The following KLHL30 variants were observed in gnomAD, a reference collection of about 807,000 sequenced individuals.
KLHL30 encodes the protein kelch-like protein 30.
In KLHL30, 55 loss-of-function variants were observed where a neutral mutation model predicts 55.0. That is an observed-to-expected ratio of 1.00 (90% CI 0.80 to 1.25). The LOEUF is 1.25. KLHL30 is among the 50% of genes most tolerant of loss of function. The probability of loss-of-function intolerance (pLI) is 0.00; values close to 1 mark genes in which losing one functional copy is unlikely to be tolerated. For missense variants in KLHL30, 786 were observed against 811.6 expected (o/e 0.97, Z 0.38); for synonymous variants, 356 against 372.6 (o/e 0.96, Z 0.51).
In KLHL30 at chr2:238,145,736, CT is replaced by C. The variant is rs745551584; in HGVS notation, c.1055del (p.Leu352ArgfsTer13). 4 of 1,597,352 alleles carry C rather than the reference CT, an allele frequency of 2.5e-6. No individual in the cohort carries two copies. The highest frequency in any genetic ancestry group is 1.7e-5 in the Admixed American group (1 of 57,854). The part of the protein sequence containing the change: ...WSTTQAWCFP[L>X]KEASWKPVAP... The stretch of plus-strand genomic sequence containing the variant: ...AACCACCCAGGCCTGGTGCTTCCCC[CT>C]GAAGGAGGCCTCCTGGAAGCCCGTG... On this transcript the variant is annotated frameshift_variant, in exon 5 of 8. Coordinates refer to ENST00000409223, the MANE Select transcript of KLHL30 (RefSeq NM_198582.4). LOFTEE classifies it high-confidence loss of function.
Position 238,147,929 on chromosome 2 carries a change from T to TCGGCTGC in KLHL30, c.1257_1263dup (p.Gly422LeufsTer85), listed in dbSNP as rs753583836. 13 of 1,599,964 alleles carry TCGGCTGC rather than the reference T, an allele frequency of 8.1e-6. No individual in the cohort carries two copies. Among genetic ancestry groups the TCGGCTGC allele is most frequent in the African/African-American group, 6.7e-5 (5 of 74,482 alleles). On this transcript the variant is annotated frameshift_variant, in exon 6 of 8. Transcript: ENST00000409223. LOFTEE classifies it high-confidence loss of function. The surrounding 1 kb of genome is among the most constrained non-coding windows in gnomAD (Gnocchi z 5.8). ...GGCCCTCAAATACGTCAGCAACTTC[T>TCGGCTGC]CGGCTGCCGGCTGCCGGGGCCGGCT... is the stretch of plus-strand genomic sequence containing the variant.
chr2:238,146,483 T>G (rs1001394677), intron 5 of KLHL30, among the ~76,000 whole-genome samples: 1 of 151,474 alleles, frequency 6.6e-6, no homozygotes, highest in African/African-American at 2.4e-5. Context: ...CTCAGCTCTC[T>G]GCAACCTCCA....
chr2:238,139,874 A>C (rs982840241), intron 1 of KLHL30, among the ~76,000 whole-genome samples: 7 of 152,230 alleles, frequency 4.6e-5, no homozygotes, highest in Non-Finnish European at 2.9e-5. Context: ...CGATACCAGA[A>C]GGACATAAAC....
rs1692534782 is a variant in KLHL30, at chr2:238,141,292, G to A, written c.538G>A (p.Val180Ile). Reference sequence around the variant, plus strand: ...CCTGCAGCTTCCCCGAGAGCGGCTGGTCACTTGTCTGGCCGGCGACCTGCT... The same window carrying A: ...CCTGCAGCTTCCCCGAGAGCGGCTGATCACTTGTCTGGCCGGCGACCTGCT... ...EFLQLPRERL[V>I]TCLAGDLLQV... Residue 180 changes from valine (V) to isoleucine (I), a missense_variant, in exon 2 of 8, where the codon GTC becomes ATC. Physicochemically the swap from Val to Ile is conservative, Grantham distance 29 (BLOSUM62 3). Transcript: ENST00000409223. 1 of 1,600,212 alleles carries A rather than the reference G, an allele frequency of 6.2e-7. No individual in the cohort carries two copies. Among genetic ancestry groups the A allele is most frequent in the Non-Finnish European group, 8.5e-7 (1 of 1,176,752 alleles).
At chr2:238,139,406 T>C (rs1310729654) in intron 1 of KLHL30, among the ~76,000 whole-genome samples, 2 of 152,170 alleles carry the variant, frequency 1.3e-5, no homozygotes, top group Non-Finnish European at 2.9e-5. Flanking sequence ...AGGAACCCCA[T>C]GCATGCAGTG....
chr2:238,145,714 C>T lies in KLHL30; in HGVS notation c.1032C>T (p.Thr344=). The change falls in exon 5 of 8, where the codon ACC becomes ACT. Residue 344 remains threonine (T), a synonymous_variant. Coordinates refer to ENST00000409223, the MANE Select transcript of KLHL30 (RefSeq NM_198582.4). The part of the protein sequence containing the change: ...SRGTKTDTWS[T]TQAWCFPLKE... The stretch of plus-strand genomic sequence containing the variant: ...GCACAAAGACAGACACCTGGTCAAC[C>T]ACCCAGGCCTGGTGCTTCCCCCTGA... 1 of 1,588,422 alleles carries T rather than the reference C, an allele frequency of 6.3e-7. No individual in the cohort carries two copies. Among genetic ancestry groups the T allele is most frequent in the Non-Finnish European group, 8.6e-7 (1 of 1,168,976 alleles).
At chr2:238,143,906 G>A (rs933982633) in intron 3 of KLHL30, among the ~76,000 whole-genome samples, 1 of 152,236 alleles carries the variant, frequency 6.6e-6, no homozygotes, top group African/African-American at 2.4e-5. Flanking sequence ...AGGGAGGCCT[G>A]GAATTCCGCA....
intron 7 of KLHL30, 51 bp from the exon 8 acceptor site, chr2:238,150,763 C>T: frequency 6.5e-7 from 1 of 1,527,354 alleles, no homozygotes; most frequent in Non-Finnish European, 8.8e-7. Context: ...CACCCTCAGC[C>T]CTGCTCTCCA....
In KLHL30 at chr2:238,144,750, C is replaced by T. The variant is rs1319137396; in HGVS notation, c.908-152C>T. ...AAGCACCCAGGACCCCCCGGGCCCC[C>T]GTACCAGTGTCACCCTGCCCCTCCC... is the stretch of plus-strand genomic sequence containing the variant. On this transcript the variant is annotated intron_variant, in intron 3 of 7. Coordinates refer to ENST00000409223, the MANE Select transcript of KLHL30 (RefSeq NM_198582.4). 5.3e-5 allele frequency among the ~76,000 whole-genome samples: 8 copies of T among 152,296 alleles called. No homozygotes were observed. In the East Asian group the frequency reaches 7.7e-4, roughly 15 times the overall value.
At position 238,141,521 on chromosome 2, in the gene KLHL30, A is replaced by G. The variant is rs1692541372; in HGVS notation, c.767A>G (p.His256Arg). ...TGCCGGGCAGCCCTGTCCCAGGGCC[A>G]TGATGGGGTGAGTGAGCGGCTGGGA... is the stretch of plus-strand genomic sequence containing the variant. Reference protein sequence around the residue: ...EACRAALSQGHDGAPLALQQK... With the variant: ...EACRAALSQGRDGAPLALQQK... The change falls in exon 2 of 8, where the codon CAT (histidine) becomes CGT (arginine). Residue 256 changes from histidine (H) to arginine (R), a missense_variant. Physicochemically the swap from His to Arg is conservative, Grantham distance 29. Coordinates refer to ENST00000409223, the MANE Select transcript of KLHL30 (RefSeq NM_198582.4). The G allele has an allele frequency of 2.8e-6, 4 of 1,444,682 alleles. No individual in the cohort carries two copies. The highest frequency in any genetic ancestry group is 3.6e-6 in the Non-Finnish European group (4 of 1,104,002). The allele number at this position is 1,444,682 out of a possible 1,614,324, so 89.5% of individuals were successfully genotyped here. A position where few individuals can be genotyped will look rare whatever the true frequency, so the allele number is the denominator to read the frequency against.
Position 238,149,157 on chromosome 2 carries a change from G to T in KLHL30, c.1485+5G>T. 1 of 1,612,240 alleles carries T rather than the reference G, an allele frequency of 6.2e-7. No individual in the cohort carries two copies. The highest frequency in any genetic ancestry group is 8.5e-7 in the Non-Finnish European group (1 of 1,179,716). ...GGGGCCAACCTGTGGCAGAAGGTGG[G>T]CCGCCCCCTCCCCCAACATGTGTGA... On this transcript the variant is annotated splice_donor_5th_base_variant and intron_variant, in intron 7 of 7. Transcript: ENST00000409223.
At chr2:238,146,655 C>T (rs920677177) in intron 5 of KLHL30, among the ~76,000 whole-genome samples, 2 of 151,238 alleles carry the variant, frequency 1.3e-5, no homozygotes, top group African/African-American at 4.8e-5. Flanking sequence ...GGTCCACCCG[C>T]CTCAGCCTCC....
chr2:238,145,559 C>A, intron 4 of KLHL30, 118 bp from the exon 5 acceptor site: 1 of 1,206,176 alleles, frequency 8.3e-7, no homozygotes, highest in Non-Finnish European at 1.2e-6. Context: ...ACCTCTGGCT[C>A]ACCACGTTGG....
Position 238,140,751 on chromosome 2 carries a change from C to T in KLHL30, c.-4C>T, listed in dbSNP as rs112867506. The T allele has an allele frequency of 1.2e-4, 181 of 1,502,278 alleles. 2 individuals carry two copies. Among genetic ancestry groups the T allele is most frequent in the South Asian group, 4.2e-4 (32 of 76,884 alleles). The allele number at this position is 1,502,278 out of a possible 1,614,324, so 93.1% of individuals were successfully genotyped here. ...GACTACTGAGGTCCCCTGGGCACGG[C>T]GTCATGGTGCGGAACGTGGATGACC... On this transcript the variant is annotated 5_prime_UTR_variant, in exon 2 of 8. Coordinates refer to ENST00000409223, the MANE Select transcript of KLHL30 (RefSeq NM_198582.4).
In KLHL30 at chr2:238,144,424, A is replaced by AAGGC. The variant is rs1692605630; in HGVS notation, c.908-475_908-474insCAGG. On this transcript the variant is annotated intron_variant, in intron 3 of 7. Coordinates refer to ENST00000409223, the MANE Select transcript of KLHL30 (RefSeq NM_198582.4). ...GAAGGAAGGAAGGAAGGAAGGAAGG[A>AAGGC]AGGAAGGAAGGCAGGCAGGCAGGCA... Among the ~76,000 whole-genome samples, 198 of 82,722 alleles carry AAGGC rather than the reference A, an allele frequency of 2.4e-3. 1 individual carries two copies. Among genetic ancestry groups the AAGGC allele is most frequent in the African/African-American group, 8.1e-3 (182 of 22,474 alleles). The allele number at this position is 82,722 out of a possible 152,430, so 54.3% of individuals were successfully genotyped here.
rs189688178 is a variant in KLHL30, at chr2:238,141,917, G to A, written c.774+389G>A. Among the ~76,000 whole-genome samples, 290 of 152,354 alleles carry A rather than the reference G, an allele frequency of 1.9e-3. 2 individuals are homozygous for A. Among genetic ancestry groups the A allele is most frequent in the African/African-American group, 6.6e-3 (276 of 41,584 alleles). On this transcript the variant is annotated intron_variant, in intron 2 of 7. Transcript: ENST00000409223. The stretch of plus-strand genomic sequence containing the variant: ...GCTCTCTGGAGGAGGCAGCATCTGA[G>A]CTGGGCCTTAGAGGAGGGATAGGAG...
At position 238,147,705 on chromosome 2, in the gene KLHL30, C is replaced by T; in HGVS notation, c.1151-129C>T. On this transcript the variant is annotated intron_variant, in intron 5 of 7. Coordinates refer to ENST00000409223, the MANE Select transcript of KLHL30 (RefSeq NM_198582.4). This position sits in a 1 kb window ranked among gnomAD's most constrained non-coding sequence, Gnocchi z 5.8. Reference sequence around the variant, plus strand: ...CCAGCACCTCTCAGAACCTCAGCTTCCCTGTCTGTGAAATGGGGAGCCCAC... The same window carrying T: ...CCAGCACCTCTCAGAACCTCAGCTTTCCTGTCTGTGAAATGGGGAGCCCAC... The T allele has an allele frequency of 3.8e-6, 2 of 520,578 alleles. No homozygotes were observed. Among genetic ancestry groups the T allele is most frequent in the Admixed American group, 4.3e-5 (1 of 23,280 alleles). The allele number at this position is 520,578 out of a possible 1,614,324, so 32.2% of individuals were successfully genotyped here.
At position 238,141,076 on chromosome 2, in the gene KLHL30, C is replaced by T. The variant is rs781063962; in HGVS notation, c.322C>T (p.Arg108Cys). ...GCAGGGCAACGTGGAGGCGCTGACA[C>T]GCACGGCTGCGCGCCTGCACTTCCC... ...ITQGNVEALT[R>C]TAARLHFPSV... The change falls in exon 2 of 8, where the codon CGC becomes TGC. Residue 108 changes from arginine (R) to cysteine (C), a missense_variant. By Grantham distance (180) the Arg-to-Cys change is radical (BLOSUM62 -3). Transcript: ENST00000409223. The T allele has an allele frequency of 2.1e-5, 33 of 1,609,156 alleles. No homozygotes were observed. Among genetic ancestry groups the T allele is most frequent in the East Asian group, 1.8e-4 (8 of 44,782 alleles).
rs752560021 is a variant in KLHL30, at chr2:238,147,388, G to A, written c.1151-446G>A. Among the ~76,000 whole-genome samples, 110 of 152,160 alleles carry A rather than the reference G, an allele frequency of 7.2e-4. No homozygotes were observed. The highest frequency in any genetic ancestry group is 1.8e-3 in the Admixed American group (27 of 15,298). The stretch of plus-strand genomic sequence containing the variant: ...CCAGGGCCTGCTCTCCCCAGGAGGC[G>A]TCCCCATCACTGCCACACCCAGATT... On this transcript the variant is annotated intron_variant, in intron 5 of 7. Transcript: ENST00000409223. This position sits in a 1 kb window ranked among gnomAD's most constrained non-coding sequence, Gnocchi z 5.8.
Sources: allele counts gnomAD v4.1 joint callset (sites outside exome capture counted in the v4.1 genomes callset), GRCh38; gene constraint gnomAD v4.1.1; non-coding constraint Gnocchi (gnomAD v3.1); transcripts MANE v1.5; gene names NCBI Gene and HGNC (gene_info 2026-07-23, HGNC 2026-07-21).